SNTG1: variants seen among roughly 807,000 people sequenced by gnomAD.
SNTG1 encodes the protein gamma-1-syntrophin.
Under a neutral mutation model 74.7 loss-of-function variants are expected in SNTG1, and 39 were observed. That is an observed-to-expected ratio of 0.52 (90% CI 0.40 to 0.68). The LOEUF is 0.68. Ranked by LOEUF, SNTG1 falls within the 30% of genes least tolerant of loss-of-function variation. SNTG1 has a pLI of 0.00. For missense variants in SNTG1, 685 were observed against 609.5 expected (o/e 1.12, Z -1.30); for synonymous variants, 254 against 217.1 (o/e 1.17, Z -1.49).
At chr8:50,509,934 G>A (rs916393496) in intron 9 of SNTG1, among the ~76,000 whole-genome samples, 19 of 152,142 alleles carry the variant, frequency 1.2e-4, no homozygotes, top group Admixed American at 3.3e-4. Flanking sequence ...ATTGTCCTGT[G>A]CAGAGCTTCC....
chr8:50,715,770 T>C (rs995670851), intron 17 of SNTG1, among the ~76,000 whole-genome samples: 1 of 152,202 alleles, frequency 6.6e-6, no homozygotes, highest in Non-Finnish European at 1.5e-5. Flanking sequence ...CAACGTAATC[T>C]TAGCTGAAAT....
chr8:50,671,964 T>G (rs1388152560), intron 15 of SNTG1, among the ~76,000 whole-genome samples: 1 of 144,730 alleles, frequency 6.9e-6, no homozygotes, highest in Non-Finnish European at 1.5e-5. Context: ...AAACACCACA[T>G]GTTCTCACTC....
rs182372919 is a variant in SNTG1 at position 50,385,522 on chromosome 8, C to T, written c.-27-8690C>T. 5.3e-4 allele frequency among the ~76,000 whole-genome samples: 81 copies of T among 152,292 alleles called. 1 individual carries two copies. Among genetic ancestry groups the T allele is most frequent in the Admixed American group, 4.6e-3 (70 of 15,290 alleles). On this transcript the variant is annotated intron_variant, in intron 2 of 18. Coordinates refer to ENST00000642720, the MANE Select transcript of SNTG1 (RefSeq NM_018967.5). ...CTTGTTAATAAGCCTAGAATAGTTC[C>T]TAATTCTCACTTACTAGGTCCAATT...
chr8:50,530,270 C>G lies in SNTG1; in HGVS notation c.549+11C>G. On this transcript the variant is annotated intron_variant, in intron 10 of 18. Coordinates refer to ENST00000642720, the MANE Select transcript of SNTG1 (RefSeq NM_018967.5). ...CATCCCAACAATACAGTAAGATGAC[C>G]CAGGCATAGCTCAGATTAATAAGGA... The G allele has an allele frequency of 6.2e-7, 1 of 1,611,992 alleles. No individual in the cohort carries two copies. The highest frequency in any genetic ancestry group is 1.3e-5 in the African/African-American group (1 of 74,946).
chr8:50,404,445 A>G (rs1225502800), intron 4 of SNTG1, among the ~76,000 whole-genome samples: 1 of 152,128 alleles, frequency 6.6e-6, no homozygotes, highest in Admixed American at 6.6e-5. Flanking sequence ...AGGACTTACA[A>G]TAACCAGAAT....
intron 17 of SNTG1, among the ~76,000 whole-genome samples, chr8:50,737,317 G>A (rs1278018989): frequency 1.3e-5 from 2 of 152,006 alleles, no homozygotes; most frequent in Non-Finnish European, 2.9e-5. Context: ...AGAATAAATG[G>A]ATAAATTCCT....
intron 2 of SNTG1, among the ~76,000 whole-genome samples, chr8:50,266,676 G>A (rs368306210): frequency 0.58 from 79,133 of 137,466 alleles, 25,758 homozygotes; most frequent in East Asian, 0.84. Context: ...GTGTGTGTGT[G>A]TGTGTGTGTA....
chr8:49,980,653 AAAT>A (rs1211283074), intron 1 of SNTG1, among the ~76,000 whole-genome samples: 1 of 151,972 alleles, frequency 6.6e-6, no homozygotes. Context: ...TTTTTTAATA[AAAT>A]AAAATAAATT....
chr8:50,376,232 CTATACAGAT>C (rs2092376994), intron 2 of SNTG1, among the ~76,000 whole-genome samples: 2 of 152,182 alleles, frequency 1.3e-5, no homozygotes, highest in African/African-American at 2.4e-5. Flanking sequence ...ACAACTGTAA[CTATACAGAT>C]TATACACATC....
chr8:50,719,169 G>T (rs1489256224), intron 17 of SNTG1, among the ~76,000 whole-genome samples: 1 of 152,096 alleles, frequency 6.6e-6, no homozygotes, highest in Admixed American at 6.6e-5. Context: ...AATAACCTTT[G>T]CCATGATTTG....
At chr8:50,053,025 G>C (rs1819706479) in intron 1 of SNTG1, among the ~76,000 whole-genome samples, 1 of 152,030 alleles carries the variant, frequency 6.6e-6, no homozygotes, top group Non-Finnish European at 1.5e-5. Flanking sequence ...ATTTAGCCTA[G>C]AGTTCTCATG....
At chr8:50,236,262 G>T (rs2085888673) in intron 2 of SNTG1, among the ~76,000 whole-genome samples, 1 of 151,936 alleles carries the variant, frequency 6.6e-6, no homozygotes, top group South Asian at 2.1e-4. Flanking sequence ...AAAATTTTTT[G>T]AATAGAAAAT....
At chr8:49,937,511 T>C (rs945372199) in intron 1 of SNTG1, among the ~76,000 whole-genome samples, 1 of 152,236 alleles carries the variant, frequency 6.6e-6, no homozygotes, top group South Asian at 2.1e-4. Context: ...CAAGGTGAAC[T>C]AGAACATTTA....
chr8:50,506,129 C>A (rs1368774468), intron 9 of SNTG1, among the ~76,000 whole-genome samples: 1 of 152,022 alleles, frequency 6.6e-6, no homozygotes, highest in Non-Finnish European at 1.5e-5. Context: ...ATTGTATAAC[C>A]TTAACATGTT....
intron 1 of SNTG1, among the ~76,000 whole-genome samples, chr8:49,983,568 A>G (rs1404570326): frequency 6.6e-6 from 1 of 152,206 alleles, no homozygotes; most frequent in African/African-American, 2.4e-5. Context: ...ATGAGATAAT[A>G]TGTATAAGAG....
At chr8:50,209,801 A>G (rs1006169560) in intron 2 of SNTG1, among the ~76,000 whole-genome samples, 1 of 152,198 alleles carries the variant, frequency 6.6e-6, no homozygotes, top group Non-Finnish European at 1.5e-5. Context: ...AAATTCTAAA[A>G]ATCAGAATGC....
At chr8:50,370,792 C>T (rs1005269639) in intron 2 of SNTG1, among the ~76,000 whole-genome samples, 2 of 152,030 alleles carry the variant, frequency 1.3e-5, no homozygotes, top group African/African-American at 2.4e-5. Context: ...GTGCACTACA[C>T]TCCACAAGCA....
At chr8:50,628,598 A>G (rs2094973637) in intron 13 of SNTG1, among the ~76,000 whole-genome samples, 2 of 151,810 alleles carry the variant, frequency 1.3e-5, no homozygotes, top group African/African-American at 4.8e-5. Flanking sequence ...ATCAGAATCT[A>G]TTCTTGTTGT....
At chr8:50,148,354 C>A (rs1254121369) in intron 1 of SNTG1, among the ~76,000 whole-genome samples, 1 of 152,076 alleles carries the variant, frequency 6.6e-6, no homozygotes, top group African/African-American at 2.4e-5. Context: ...TAGAGACTCA[C>A]TTTCAAAGAA....
Sources: gnomAD v4.1 joint callset for allele counts (sites outside exome capture counted in the v4.1 genomes callset) on GRCh38, gnomAD v4.1.1 for gene constraint, MANE v1.5 for transcripts, NCBI Gene and HGNC (gene_info 2026-07-23, HGNC 2026-07-21) for gene names.